TMT1B: variants seen among roughly 807,000 people sequenced by gnomAD.
The protein encoded by TMT1B is thiol methyltransferase 1B, also known as thiol S-methyltransferase TMT1B.
chr12:55,683,567 C>T, the TMT1B span, among the ~76,000 whole-genome samples: 1 of 152,136 alleles, frequency 6.6e-6, no homozygotes, highest in African/African-American at 2.4e-5. Context: ...TCTGCATGCC[C>T]TCGGTTATTC....
chr12:55,683,834 G>A, the TMT1B span: 182 of 1,613,882 alleles, frequency 1.1e-4, no homozygotes, highest in Non-Finnish European at 1.4e-4. Context: ...CTTTTTCTGG[G>A]AGCATGTGGC....
At chr12:55,682,322 C>T in the TMT1B span, 1 of 1,505,458 alleles carries the variant, frequency 6.6e-7, no homozygotes, top group African/African-American at 1.4e-5. Context: ...GGGTTCGGCC[C>T]CCAGAATGGG....
chr12:55,684,600 G>GA, the TMT1B span: 1 of 172,128 alleles, frequency 5.8e-6, no homozygotes, highest in Admixed American at 5.7e-5. Flanking sequence ...ATAAATAGAC[G>GA]AAACCACGAA....
At chr12:55,682,360 G>A in the TMT1B span, 1 of 1,069,364 alleles carries the variant, frequency 9.4e-7, no homozygotes, top group Non-Finnish European at 1.3e-6. Flanking sequence ...TAGCACATTA[G>A]ACACCCCATC....
chr12:55,684,119 C>T, the TMT1B span: 4 of 1,414,694 alleles, frequency 2.8e-6, no homozygotes, highest in African/African-American at 1.4e-5. Flanking sequence ...CACCCACCAG[C>T]CTATCTATCT....
chr12:55,683,762 G>T, the TMT1B span: 5 of 1,560,682 alleles, frequency 3.2e-6, no homozygotes, highest in Non-Finnish European at 3.5e-6. Context: ...GCGCGATAGG[G>T]AGCAGGGTCA....
chr12:55,683,710 C>G, the TMT1B span: 1 of 1,151,940 alleles, frequency 8.7e-7, no homozygotes, highest in Non-Finnish European at 1.3e-6. Flanking sequence ...ACTCTCAGAC[C>G]AGCAGCTCCC....
chr12:55,682,417 G>C, the TMT1B span, among the ~76,000 whole-genome samples: 1 of 152,008 alleles, frequency 6.6e-6, no homozygotes, highest in Non-Finnish European at 1.5e-5. Flanking sequence ...TGCCATGACG[G>C]GGCACAATTG....
At chr12:55,683,624 A>G in the TMT1B span, among the ~76,000 whole-genome samples, 2 of 152,156 alleles carry the variant, frequency 1.3e-5, no homozygotes, top group Admixed American at 6.5e-5. Context: ...TTCAGTTATG[A>G]GGTTCTTCAC....
At chr12:55,681,921 G>C in the TMT1B span, 8 of 1,613,850 alleles carry the variant, frequency 5.0e-6, no homozygotes, top group South Asian at 1.1e-5. Context: ...AGCAAGAAAC[G>C]GGAGCTCTTC....
chr12:55,684,427 G>A, the TMT1B span: 3 of 202,780 alleles, frequency 1.5e-5, no homozygotes, highest in Non-Finnish European at 3.0e-5. Flanking sequence ...TCTAGGAACT[G>A]GTCACAAAAG....
chr12:55,682,535 C>T, the TMT1B span, among the ~76,000 whole-genome samples: 5 of 145,814 alleles, frequency 3.4e-5, no homozygotes, highest in South Asian at 2.1e-4. Flanking sequence ...GCTTGGGAGG[C>T]TGAAGCAGAA....
At chr12:55,683,231 C>T in the TMT1B span, among the ~76,000 whole-genome samples, 2 of 152,190 alleles carry the variant, frequency 1.3e-5, no homozygotes, top group African/African-American at 2.4e-5. Context: ...CGAGGTGGCT[C>T]ACGCCTGTAA....
the TMT1B span, chr12:55,684,162 G>A: frequency 1.0e-6 from 1 of 987,724 alleles, no homozygotes; most frequent in Non-Finnish European, 1.5e-6. Flanking sequence ...AATGAGAGAA[G>A]ACATTCATGT....
the TMT1B span, chr12:55,681,878 G>C: frequency 6.2e-7 from 1 of 1,607,868 alleles, no homozygotes; most frequent in Non-Finnish European, 8.5e-7. Context: ...CCTGATGGCC[G>C]TGCTGACTCC....
At chr12:55,683,755 C>G in the TMT1B span, 2 of 1,532,218 alleles carry the variant, frequency 1.3e-6, no homozygotes, top group African/African-American at 1.4e-5. Flanking sequence ...TTGATCAGCG[C>G]GATAGGGAGC....
At chr12:55,683,902 A>G in the TMT1B span, 1 of 1,614,138 alleles carries the variant, frequency 6.2e-7, no homozygotes, top group South Asian at 1.1e-5. Flanking sequence ...CCACCTGGAA[A>G]CACATTGGGG....
chr12:55,683,753 C>T, the TMT1B span: 101 of 1,516,594 alleles, frequency 6.7e-5, no homozygotes, highest in Admixed American at 1.2e-3. Context: ...TCTTGATCAG[C>T]GCGATAGGGA....
At chr12:55,684,471 A>G in the TMT1B span, 2 of 177,468 alleles carry the variant, frequency 1.1e-5, no homozygotes, top group East Asian at 3.1e-4. Flanking sequence ...AGCCCCCCTG[A>G]CCCTCTCTCC....
Sources: gnomAD v4.1 joint callset for allele counts (sites outside exome capture counted in the v4.1 genomes callset) on GRCh38, gnomAD v4.1.1 for gene constraint, MANE v1.5 for transcripts, NCBI Gene and HGNC (gene_info 2026-07-23, HGNC 2026-07-21) for gene names.